Variants in RTN1 observed in about 807,000 individuals in gnomAD.
RTN1 encodes the protein reticulon-1.
RTN1 carries 25 observed loss-of-function variants against 65.5 expected under a neutral mutation model. That is an observed-to-expected ratio of 0.38 (90% CI 0.28 to 0.53). RTN1 has a LOEUF of 0.53. RTN1 is among the 20% of genes least tolerant of loss of function. RTN1 has a pLI of 0.79. For synonymous variants in RTN1, 471 were observed against 447.6 expected, an observed-to-expected ratio of 1.05 and a Z score of -0.66; for missense variants, 983 against 1,025.4, an observed-to-expected ratio of 0.96 and a Z score of 0.57.
intron 2 of RTN1, among the ~76,000 whole-genome samples, chr14:59,729,082 G>A (rs1011781988): frequency 1.3e-5 from 2 of 152,180 alleles, no homozygotes; most frequent in African/African-American, 4.8e-5. Context: ...CATTGAGAAA[G>A]TAACCTATAT....
chr14:59,628,791 G>A (rs1882467618), intron 3 of RTN1, among the ~76,000 whole-genome samples: 1 of 152,116 alleles, frequency 6.6e-6, no homozygotes, highest in African/African-American at 2.4e-5. Flanking sequence ...TGAGGCAACC[G>A]AGTCAAACCG....
chr14:59,843,625 A>T lies in RTN1; in HGVS notation c.241+26765T>A, dbSNP rs76797875. On this transcript the variant is annotated intron_variant, in intron 1 of 8. Coordinates refer to ENST00000267484, the MANE Select transcript of RTN1 (RefSeq NM_021136.3). ...CTGCACACACTTGGAAAAATAAGCT[A>T]AAAAAAGTTTAAAAAGGAACGCACA... is the stretch of plus-strand genomic sequence containing the variant. Among the ~76,000 whole-genome samples, 1,332 of 152,284 alleles carry T rather than the reference A, an allele frequency of 8.7e-3. 7 individuals carry two copies. Among genetic ancestry groups the T allele is most frequent in the Non-Finnish European group, 0.013 (880 of 68,028 alleles).
At chr14:59,631,029 C>T (rs1468846553) in intron 3 of RTN1, among the ~76,000 whole-genome samples, 3 of 152,224 alleles carry the variant, frequency 2.0e-5, no homozygotes, top group Non-Finnish European at 4.4e-5. Flanking sequence ...AGGCTTGCAG[C>T]ATAATGTTCC....
chr14:59,672,786 G>A (rs932391853), intron 3 of RTN1, among the ~76,000 whole-genome samples: 7 of 150,090 alleles, frequency 4.7e-5, no homozygotes, highest in Non-Finnish European at 8.9e-5. Flanking sequence ...GACTACAGGC[G>A]CCCGCCACCG....
At chr14:59,740,500 T>G (rs549231944) in intron 2 of RTN1, among the ~76,000 whole-genome samples, 62 of 152,220 alleles carry the variant, frequency 4.1e-4, no homozygotes, top group Middle Eastern at 3.2e-3. Flanking sequence ...TATCTGGCAA[T>G]TCTACCTCCA....
At chr14:59,606,329 G>A (rs1031428524) in intron 4 of RTN1, among the ~76,000 whole-genome samples, 4 of 151,864 alleles carry the variant, frequency 2.6e-5, no homozygotes, top group Non-Finnish European at 5.9e-5. Flanking sequence ...GTTTTCAGGA[G>A]TGTTATGGAC....
chr14:59,796,921 A>C (rs1212301778), intron 1 of RTN1, among the ~76,000 whole-genome samples: 1 of 152,212 alleles, frequency 6.6e-6, no homozygotes, highest in Admixed American at 6.5e-5. Context: ...ATAGTGCCTC[A>C]CACAAAGTAG....
chr14:59,641,562 G>A (rs1014593356), intron 3 of RTN1, among the ~76,000 whole-genome samples: 1 of 151,572 alleles, frequency 6.6e-6, no homozygotes, highest in Non-Finnish European at 1.5e-5. Flanking sequence ...GTAGAAACAG[G>A]GTTTTACCAT....
intron 3 of RTN1, among the ~76,000 whole-genome samples, chr14:59,713,529 A>G (rs2139459639): frequency 1.3e-5 from 2 of 152,324 alleles, no homozygotes; most frequent in African/African-American, 4.8e-5. Context: ...AAGCTTCAGA[A>G]CACTTACTGC....
chr14:59,782,580 C>T (rs1886176284), intron 1 of RTN1, among the ~76,000 whole-genome samples: 1 of 152,112 alleles, frequency 6.6e-6, no homozygotes, highest in African/African-American at 2.4e-5. Context: ...GTTAAGTCAG[C>T]TTTTTATCCC....
intron 3 of RTN1, among the ~76,000 whole-genome samples, chr14:59,688,111 G>A (rs1006498230): frequency 1.1e-4 from 16 of 151,632 alleles, no homozygotes; most frequent in African/African-American, 3.9e-4. Flanking sequence ...TGGTGCACAG[G>A]GGCCCTCTCT....
intron 2 of RTN1, among the ~76,000 whole-genome samples, chr14:59,732,391 T>A (rs1884917423): frequency 6.6e-6 from 1 of 152,220 alleles, no homozygotes; most frequent in South Asian, 2.1e-4. Context: ...ATGAATACAG[T>A]ACCTTCAATT....
Position 59,794,744 on chromosome 14 carries a change from C to A in RTN1, c.242-48263G>T, listed in dbSNP as rs919590456. On this transcript the variant is annotated intron_variant, in intron 1 of 8. Coordinates refer to ENST00000267484, the MANE Select transcript of RTN1 (RefSeq NM_021136.3). This position sits in a 1 kb window ranked among gnomAD's most constrained non-coding sequence, Gnocchi z 5.1. Reference sequence around the variant, plus strand: ...GGAAAAAGAAAGGAAAGAACATACCCTTTTCTTTTCAGGGAACAATTCAGA... The same window carrying A: ...GGAAAAAGAAAGGAAAGAACATACCATTTTCTTTTCAGGGAACAATTCAGA... 6.6e-6 allele frequency among the ~76,000 whole-genome samples: 1 copy of A among 151,776 alleles called. No individual in the cohort carries two copies. The highest frequency in any genetic ancestry group is 1.5e-5 in the Non-Finnish European group (1 of 67,996).
chr14:59,734,425 TA>T (rs1294434545), intron 2 of RTN1, among the ~76,000 whole-genome samples: 1 of 151,980 alleles, frequency 6.6e-6, no homozygotes, highest in Non-Finnish European at 1.5e-5. Context: ...AGGTGGGTAA[TA>T]AACAATTTTA....
At chr14:59,758,943 A>C (rs1885694432) in intron 1 of RTN1, among the ~76,000 whole-genome samples, 1 of 152,212 alleles carries the variant, frequency 6.6e-6, no homozygotes, top group Non-Finnish European at 1.5e-5. Context: ...TTAGTAACCT[A>C]GTGTGCCCCC....
Position 59,805,597 on chromosome 14 carries a change from A to T in RTN1, c.242-59116T>A, listed in dbSNP as rs557903578. On this transcript the variant is annotated intron_variant, in intron 1 of 8. Transcript: ENST00000267484. ...ATTAATAATTACACACATAAAACAA[A>T]TCTTTTTCTGAAAGGCTTGTATAGT... Among the ~76,000 whole-genome samples, 16 of 152,240 alleles carry T rather than the reference A, an allele frequency of 1.1e-4. No individual in the cohort carries two copies. In the East Asian group the frequency reaches 3.1e-3, roughly 29 times the overall value.
At position 59,865,510 on chromosome 14, in the gene RTN1, G is replaced by A. The variant is rs139808179; in HGVS notation, c.241+4880C>T. Among the ~76,000 whole-genome samples, 473 of 152,174 alleles carry A rather than the reference G, an allele frequency of 3.1e-3. 4 individuals carry two copies. The highest frequency in any genetic ancestry group is 0.02 in the Middle Eastern group (6 of 294). On this transcript the variant is annotated intron_variant, in intron 1 of 8. Transcript: ENST00000267484. ...AAGAATCACTGTCCATTTTAAATTA[G>A]GGAGCTCAAATAAGAATTGAGAAGC...
intron 2 of RTN1, among the ~76,000 whole-genome samples, chr14:59,732,992 G>A (rs1490040563): frequency 3.3e-5 from 5 of 152,076 alleles, no homozygotes; most frequent in Admixed American, 1.3e-4. Flanking sequence ...TCCAGCCTGC[G>A]GGCTTTGAAG....
chr14:59,749,462 A>G (rs1169696985), intron 1 of RTN1, among the ~76,000 whole-genome samples: 1 of 101,434 alleles, frequency 9.9e-6, no homozygotes, highest in Non-Finnish European at 1.7e-5. Flanking sequence ...ATCTATATAT[A>G]TCTAATCTAT....
Sources: gnomAD v4.1 joint callset for allele counts (sites outside exome capture counted in the v4.1 genomes callset) on GRCh38, gnomAD v4.1.1 for gene constraint, Gnocchi (gnomAD v3.1) non-coding constraint, MANE v1.5 for transcripts, NCBI Gene and HGNC (gene_info 2026-07-23, HGNC 2026-07-21) for gene names.